Variants in STX8 observed in about 807,000 individuals in gnomAD.
The protein encoded by STX8 is syntaxin-8.
In STX8, 23 loss-of-function variants were observed where a neutral mutation model predicts 37.5. The ratio of observed to expected loss-of-function variants is 0.61; its 90% confidence interval spans 0.44 to 0.87. STX8 has a LOEUF of 0.87. Among genes scored for constraint, STX8 ranks in the 40% least tolerant of loss-of-function variants. The pLI is 0.00. For synonymous variants in STX8, 115 were observed against 99.1 expected (o/e 1.16, Z -0.95); for missense variants, 313 against 284.7 (o/e 1.10, Z -0.71).
At chr17:9,376,234 ACCAATCAGCACTCTGTAAAAAATGCC>A (rs1461742240) in intron 7 of STX8, among the ~76,000 whole-genome samples, 3 of 152,242 alleles carry the variant, frequency 2.0e-5, no homozygotes, top group South Asian at 4.2e-4. Flanking sequence ...TTGAAAACGC[ACCAATCAGCACTCTGTAAAAAATGCC>A]CCAATCAGCG....
rs1279167794 is a variant in STX8, at chr17:9,330,076, G to T, written c.643+48476C>A. Among the ~76,000 whole-genome samples the T allele has an allele frequency of 2.0e-5, 3 of 152,294 alleles. No homozygotes were observed. The East Asian group carries it at 5.8e-4, about 29-fold the overall frequency. On this transcript the variant is annotated intron_variant, in intron 7 of 7. Transcript: ENST00000306357. ...CTGGGAGGTCCCGCGGCTTCAAAGG[G>T]AAAGGGAGAGGATGGGCAGGGAGAG...
chr17:9,475,000 G>C (rs1208070171), intron 6 of STX8, among the ~76,000 whole-genome samples: 1 of 151,938 alleles, frequency 6.6e-6, no homozygotes, highest in East Asian at 1.9e-4. Context: ...AAAAAAACTT[G>C]TTTTACTGAA....
chr17:9,473,007 T>C (rs138961471), intron 6 of STX8, among the ~76,000 whole-genome samples: 153 of 151,880 alleles, frequency 1.0e-3, no homozygotes, highest in East Asian at 4.8e-3. Flanking sequence ...AGCAAAGTCA[T>C]AGGACAAACA....
chr17:9,277,154 T>A (rs1907705099), intron 7 of STX8, among the ~76,000 whole-genome samples: 1 of 152,008 alleles, frequency 6.6e-6, no homozygotes, highest in South Asian at 2.1e-4. Context: ...AAATCTAGAG[T>A]TTACAGCGTC....
intron 6 of STX8, among the ~76,000 whole-genome samples, chr17:9,440,535 T>TTTA (rs1904608746): frequency 2.1e-5 from 3 of 145,984 alleles, no homozygotes; most frequent in Admixed American, 6.7e-5. Context: ...ATTTTTTTTT[T>TTTA]TTTTTTTGAG....
At chr17:9,314,140 G>GT (rs1909295427) in intron 7 of STX8, among the ~76,000 whole-genome samples, 1 of 152,136 alleles carries the variant, frequency 6.6e-6, no homozygotes, top group Non-Finnish European at 1.5e-5. Flanking sequence ...AGCAACCAGT[G>GT]TAACTCCTTG....
At chr17:9,447,048 A>T (rs1904876469) in intron 6 of STX8, among the ~76,000 whole-genome samples, 1 of 152,208 alleles carries the variant, frequency 6.6e-6, no homozygotes. Flanking sequence ...ATAGAATACG[A>T]TCAGTGAAAT....
intron 6 of STX8, among the ~76,000 whole-genome samples, chr17:9,426,728 C>T (rs887011490): frequency 2.0e-5 from 3 of 152,092 alleles, no homozygotes; most frequent in African/African-American, 4.8e-5. Flanking sequence ...AACCACTGCA[C>T]TCCAGCCTGG....
At chr17:9,298,698 G>A (rs1280661726) in intron 7 of STX8, among the ~76,000 whole-genome samples, 4 of 152,104 alleles carry the variant, frequency 2.6e-5, no homozygotes, top group Non-Finnish European at 5.9e-5. Flanking sequence ...TGTAATCCCA[G>A]CTACTCAGGA....
intron 6 of STX8, among the ~76,000 whole-genome samples, chr17:9,484,631 C>A: frequency 7.7e-6 from 1 of 129,436 alleles, no homozygotes. Context: ...GCCTGGGCAA[C>A]ATGGTGAAAC....
At chr17:9,389,420 C>T (rs144681202) in intron 6 of STX8, among the ~76,000 whole-genome samples, 6 of 152,192 alleles carry the variant, frequency 3.9e-5, no homozygotes, top group Admixed American at 2.0e-4. Context: ...TTTGGTTTCA[C>T]GAAGGAGCTT....
At position 9,545,297 on chromosome 17, in the gene STX8, T is replaced by A; in HGVS notation, c.213-15A>T. On this transcript the variant is annotated splice_polypyrimidine_tract_variant and intron_variant, in intron 3 of 7. Transcript: ENST00000306357. ...CAAGCTGTGTTCTGCAGATATCTTG[T>A]TAAGGTTCAATGGTGAATAAATGAC... The A allele has an allele frequency of 1.3e-6, 2 of 1,581,918 alleles. No homozygotes were observed. Among genetic ancestry groups the A allele is most frequent in the South Asian group, 2.2e-5 (2 of 89,310 alleles).
chr17:9,500,659 A>G (rs761689925), intron 5 of STX8, among the ~76,000 whole-genome samples: 24 of 152,354 alleles, frequency 1.6e-4, no homozygotes, highest in Admixed American at 2.6e-4. Flanking sequence ...CTGTATTTTG[A>G]TATACAAGCA....
intron 6 of STX8, among the ~76,000 whole-genome samples, chr17:9,409,623 C>T (rs1316629259): frequency 1.3e-5 from 2 of 152,196 alleles, no homozygotes; most frequent in African/African-American, 4.8e-5. Flanking sequence ...ACTGTGCCAA[C>T]CAAAACAGCA....
chr17:9,358,275 G>A (rs1373444286), intron 7 of STX8, among the ~76,000 whole-genome samples: 1 of 152,128 alleles, frequency 6.6e-6, no homozygotes, highest in Non-Finnish European at 1.5e-5. Flanking sequence ...GGGCTCAAGT[G>A]ATCCTCCTGA....
At chr17:9,450,792 A>C (rs369711289) in intron 6 of STX8, among the ~76,000 whole-genome samples, 1 of 152,158 alleles carries the variant, frequency 6.6e-6, no homozygotes, top group Non-Finnish European at 1.5e-5. Flanking sequence ...TTTCTTAAGA[A>C]GGAATTTTAT....
At chr17:9,519,526 G>A (rs530649991) in intron 4 of STX8, among the ~76,000 whole-genome samples, 2 of 152,054 alleles carry the variant, frequency 1.3e-5, no homozygotes, top group Non-Finnish European at 2.9e-5. Context: ...CCTTCTGATC[G>A]GTCTCCTTGT....
At position 9,411,847 on chromosome 17, in the gene STX8, T is replaced by TAGAATATATAGA. The variant is rs1433231249; in HGVS notation, c.542-33195_542-33194insTCTATATATTCT. 1.6e-4 allele frequency among the ~76,000 whole-genome samples: 25 copies of TAGAATATATAGA among 152,216 alleles called. 1 individual carries two copies. The highest frequency in any genetic ancestry group is 6.5e-5 in the Admixed American group (1 of 15,278). On this transcript the variant is annotated intron_variant, in intron 6 of 7. Transcript: ENST00000306357. ...GCCTTTTTAGAAGCAACCTAATATA[T>TAGAATATATAGA]AGAACAGTAGTATATATAATTTTTC...
chr17:9,365,005 G>A (rs80069229), intron 7 of STX8, among the ~76,000 whole-genome samples: 2,257 of 151,926 alleles, frequency 0.015, 29 homozygotes, highest in Non-Finnish European at 0.024. Context: ...AGAAGAGAAA[G>A]TGATGAGGAG....
Sources: gnomAD v4.1 joint callset for allele counts (sites outside exome capture counted in the v4.1 genomes callset) on GRCh38, gnomAD v4.1.1 for gene constraint, MANE v1.5 for transcripts, NCBI Gene and HGNC (gene_info 2026-07-23, HGNC 2026-07-21) for gene names.